The following MYO3A variants were observed in gnomAD, a reference collection of about 807,000 sequenced individuals.
MYO3A encodes the protein myosin-IIIa.
MYO3A carries 180 observed loss-of-function variants against 192.7 expected under a neutral mutation model. The observed-to-expected ratio is 0.93, with a 90% CI of 0.83 to 1.06. The LOEUF (loss-of-function observed/expected upper bound fraction) is 1.06, where lower values mean the gene tolerates loss of function less well. Ranked by LOEUF, MYO3A falls within the 50% of genes least tolerant of loss-of-function variation. The pLI, the probability that MYO3A is intolerant of heterozygous loss-of-function variation, is 0.00. For missense variants in MYO3A, 1,896 were observed against 1,905.0 expected, an observed-to-expected ratio of 1.00 and a Z score of 0.09; for synonymous variants, 628 against 645.3, an observed-to-expected ratio of 0.97 and a Z score of 0.41.
intron 2 of MYO3A, among the ~76,000 whole-genome samples, chr10:25,946,620 C>CGGTAA (rs1196956807): frequency 7.3e-5 from 11 of 151,514 alleles, no homozygotes; most frequent in Non-Finnish European, 1.3e-4. Context: ...TGGCTCACAC[C>CGGTAA]GGTAATCCCA....
chr10:25,960,967 A>G (rs994330654), intron 4 of MYO3A, among the ~76,000 whole-genome samples: 1 of 152,200 alleles, frequency 6.6e-6, no homozygotes, highest in Non-Finnish European at 1.5e-5. Flanking sequence ...TTAGTTACCA[A>G]ATAATAGAAT....
intron 10 of MYO3A, among the ~76,000 whole-genome samples, chr10:26,040,311 A>G (rs1843273007): frequency 1.3e-5 from 2 of 152,152 alleles, no homozygotes; most frequent in Non-Finnish European, 2.9e-5. Flanking sequence ...TTATTTCAAA[A>G]CAGAACTAAC....
intron 15 of MYO3A, among the ~76,000 whole-genome samples, chr10:26,095,121 A>C (rs1286420133): frequency 6.6e-6 from 1 of 152,188 alleles, no homozygotes; most frequent in African/African-American, 2.4e-5. Context: ...GCCACTGCCA[A>C]AAGTGGCAGG....
chr10:26,092,206 G>C (rs1392281892), intron 15 of MYO3A, among the ~76,000 whole-genome samples: 1 of 152,192 alleles, frequency 6.6e-6, no homozygotes, highest in African/African-American at 2.4e-5. Flanking sequence ...GGTGGCTCAC[G>C]CCTGTAATCC....
At chr10:26,058,321 A>G (rs796869144) in intron 10 of MYO3A, among the ~76,000 whole-genome samples, 1 of 152,044 alleles carries the variant, frequency 6.6e-6, no homozygotes, top group African/African-American at 2.4e-5. Flanking sequence ...TTGATAGCTC[A>G]TTGCCTTTTA....
chr10:26,009,073 T>C (rs1423057541), intron 6 of MYO3A, among the ~76,000 whole-genome samples: 2 of 152,016 alleles, frequency 1.3e-5, no homozygotes, highest in Non-Finnish European at 2.9e-5. Context: ...TCATGTCCTT[T>C]TTAGGGACGT....
intron 2 of MYO3A, among the ~76,000 whole-genome samples, chr10:25,937,766 T>C (rs1162224590): frequency 6.6e-6 from 1 of 152,236 alleles, no homozygotes; most frequent in Admixed American, 6.5e-5. Flanking sequence ...CAAAAGTATT[T>C]AAGTAGATTT....
At chr10:26,120,449 T>C (rs139348519) in intron 17 of MYO3A, among the ~76,000 whole-genome samples, 53 of 152,350 alleles carry the variant, frequency 3.5e-4, no homozygotes, top group African/African-American at 1.3e-3. Flanking sequence ...TTATAAAATA[T>C]TTTTAAGCAC....
Position 26,174,267 on chromosome 10 carries a change from C to T in MYO3A, c.4003C>T (p.Gln1335Ter). 6.2e-7 allele frequency: 1 copy of T among 1,613,880 alleles called. No homozygotes were observed. The highest frequency in any genetic ancestry group is 8.5e-7 in the Non-Finnish European group (1 of 1,179,902). ...RLRHETVKER[Q>*]VEPVTQAQEE... ...GAGGCATGAGACAGTCAAAGAGAGG[C>T]AAGTTGAACCAGTGACACAGGCCCA... The change falls in exon 30 of 35, where the codon CAA (glutamine) becomes TAA (stop). Residue 1335 changes from glutamine to a stop codon, truncating the protein, a stop_gained. Transcript: ENST00000642920. LOFTEE classifies it high-confidence loss of function.
chr10:25,952,053 C>T, intron 2 of MYO3A, 41 bp from the exon 3 acceptor site: 1 of 1,472,218 alleles, frequency 6.8e-7, no homozygotes, highest in South Asian at 1.2e-5. Flanking sequence ...CATTTGATAT[C>T]CTCAATCAAC....
At chr10:25,943,167 T>C (rs76680688) in intron 2 of MYO3A, among the ~76,000 whole-genome samples, 3,737 of 152,160 alleles carry the variant, frequency 0.025, 177 homozygotes, top group African/African-American at 0.085. Context: ...ATCCAGTTTT[T>C]CCACCACCAC....
intron 24 of MYO3A, among the ~76,000 whole-genome samples, 184 bp downstream of exon 24, chr10:26,154,113 A>G (rs1840960447): frequency 6.6e-6 from 1 of 152,110 alleles, no homozygotes; most frequent in Non-Finnish European, 1.5e-5. Context: ...ATAATCATGC[A>G]TTTCTGATAT....
intron 4 of MYO3A, among the ~76,000 whole-genome samples, chr10:25,955,773 T>C (rs1293112763): frequency 3.3e-5 from 5 of 152,244 alleles, no homozygotes; most frequent in African/African-American, 7.2e-5. Flanking sequence ...ATACCTTTAT[T>C]TGACAGCTAT....
chr10:26,199,350 C>T (rs937998495), intron 32 of MYO3A, among the ~76,000 whole-genome samples: 1 of 152,000 alleles, frequency 6.6e-6, no homozygotes, highest in Non-Finnish European at 1.5e-5. Flanking sequence ...CTTAAGAGTT[C>T]GAGACCAGCC....
At chr10:26,094,247 T>C (rs1836870835) in intron 15 of MYO3A, among the ~76,000 whole-genome samples, 1 of 152,150 alleles carries the variant, frequency 6.6e-6, no homozygotes, top group Non-Finnish European at 1.5e-5. Flanking sequence ...TGTAAAAAAT[T>C]ATTCTTGTGA....
chr10:26,174,071 C>A lies in MYO3A; in HGVS notation c.3807C>A (p.Tyr1269Ter), dbSNP rs1302877209. ...AGGCCATATCAGAAAGGCCAAGCTA[C>A]CCAGTGCCTTGGTTAGCTGAAAATG... ...ERKAISERPS[Y>*]PVPWLAENET... Residue 1269 changes from tyrosine to a stop codon, truncating the protein, a stop_gained, in exon 30 of 35, where the codon TAC (tyrosine) becomes TAA (stop). Coordinates refer to ENST00000642920, the MANE Select transcript of MYO3A (RefSeq NM_017433.5). LOFTEE classifies it high-confidence loss of function. 1.9e-6 allele frequency: 3 copies of A among 1,614,178 alleles called. No homozygotes were observed. Among genetic ancestry groups the A allele is most frequent in the Non-Finnish European group, 8.5e-7 (1 of 1,180,032 alleles).
chr10:26,086,763 G>A (rs545568515), intron 14 of MYO3A, among the ~76,000 whole-genome samples: 1 of 152,232 alleles, frequency 6.6e-6, no homozygotes, highest in African/African-American at 2.4e-5. Context: ...TTAATGTGGG[G>A]CACGGGGGCA....
At chr10:26,035,970 G>C (rs2131182776) in intron 10 of MYO3A, among the ~76,000 whole-genome samples, 1 of 151,934 alleles carries the variant, frequency 6.6e-6, no homozygotes. Flanking sequence ...GTCTCCGGCT[G>C]TCGCCCAGGC....
Position 25,997,228 on chromosome 10 carries a change from A to T in MYO3A, c.478A>T (p.Thr160Ser), listed in dbSNP as rs1840510248. 4.3e-6 allele frequency: 7 copies of T among 1,613,388 alleles called. No individual in the cohort carries two copies. Among genetic ancestry groups the T allele is most frequent in the African/African-American group, 2.7e-5 (2 of 74,918 alleles). The change falls in exon 6 of 35, where the codon ACG becomes TCG. Residue 160 changes from threonine (T) to serine (S), a missense_variant. Thr to Ser is a moderately conservative substitution (Grantham distance 58, BLOSUM62 1). Transcript: ENST00000642920. ...DVKGNNILLTTEGGVKLVDFG... is the reference protein window; with the variant it reads ...DVKGNNILLTSEGGVKLVDFG... ...GAAAGGCAATAACATTCTATTGACC[A>T]CGGAAGGTGGAGTGAAACTAGTAGA...
Sources: allele counts gnomAD v4.1 joint callset (sites outside exome capture counted in the v4.1 genomes callset), GRCh38; gene constraint gnomAD v4.1.1; transcripts MANE v1.5; gene names NCBI Gene and HGNC (gene_info 2026-07-23, HGNC 2026-07-21).